Variants in ZNF566 observed in about 807,000 individuals in gnomAD.
ZNF566 encodes the protein zinc finger protein 566.
In ZNF566, 27 loss-of-function variants were observed where a neutral mutation model predicts 32.8. That is an observed-to-expected ratio of 0.82 (90% CI 0.61 to 1.14). The LOEUF (loss-of-function observed/expected upper bound fraction) is 1.14. Among genes scored for constraint, ZNF566 ranks in the 50% most tolerant of loss-of-function variants. ZNF566 has a pLI of 0.00. For missense variants in ZNF566, 402 were observed against 490.4 expected (o/e 0.82, Z 1.70); for synonymous variants, 154 against 159.5 (o/e 0.97, Z 0.26).
chr19:36,465,922 G>A (rs1209377227), intron 4 of ZNF566, among the ~76,000 whole-genome samples: 3 of 150,960 alleles, frequency 2.0e-5, no homozygotes, highest in Non-Finnish European at 4.4e-5. Flanking sequence ...TATATATAAA[G>A]GCAGTATAAA....
At chr19:36,464,458 A>G (rs1325308221) in intron 4 of ZNF566, among the ~76,000 whole-genome samples, 1 of 152,160 alleles carries the variant, frequency 6.6e-6, no homozygotes, top group Non-Finnish European at 1.5e-5. Context: ...CACCCAGCCA[A>G]TTCGTTTTCT....
intron 1 of ZNF566, among the ~76,000 whole-genome samples, chr19:36,487,949 G>T (rs762543334): frequency 2.8e-5 from 4 of 142,456 alleles, no homozygotes; most frequent in Non-Finnish European, 6.1e-5. Flanking sequence ...GTTAATGATA[G>T]AATTCTGAAT....
At chr19:36,470,973 C>A (rs1363256276) in intron 4 of ZNF566, among the ~76,000 whole-genome samples, 1 of 151,508 alleles carries the variant, frequency 6.6e-6, no homozygotes, top group East Asian at 1.9e-4. Flanking sequence ...CTTTGGGAGG[C>A]CAAGGCAGGT....
chr19:36,453,194 C>A (rs1174402692), intron 4 of ZNF566, among the ~76,000 whole-genome samples: 2 of 151,138 alleles, frequency 1.3e-5, no homozygotes, highest in East Asian at 3.9e-4. Context: ...AATAAACTGG[C>A]GGGGCGCTGG....
chr19:36,447,027 T>TC lies in ZNF566; in HGVS notation c.*1949_*1950insG, dbSNP rs1226679761. ...ACAAAGCTACACTGTGGACTTTTTTTTTTTTTTTTTAATAGTCTCATTCTG... is the reference window on the plus strand; with the variant it reads ...ACAAAGCTACACTGTGGACTTTTTTTCTTTTTTTTTTAATAGTCTCATTCTG... On this transcript the variant is annotated 3_prime_UTR_variant, in exon 5 of 5. Transcript: ENST00000452939. 6.6e-6 allele frequency: 1 copy of TC among 151,984 alleles called. No homozygotes were observed. The highest frequency in any genetic ancestry group is 2.4e-5 in the African/African-American group (1 of 41,360). The allele number at this position is 151,984 out of a possible 1,614,324, so 9.4% of individuals were successfully genotyped here.
intron 4 of ZNF566, among the ~76,000 whole-genome samples, chr19:36,455,085 C>T (rs987676432): frequency 6.6e-6 from 1 of 152,094 alleles, no homozygotes; most frequent in Non-Finnish European, 1.5e-5. Flanking sequence ...GCAAAGCAAT[C>T]AATGTGATAC....
Position 36,449,499 on chromosome 19 carries a change from A to G in ZNF566, c.735T>C (p.His245=). The G allele has an allele frequency of 6.2e-7, 1 of 1,614,116 alleles. No individual in the cohort carries two copies. Among genetic ancestry groups the G allele is most frequent in the Non-Finnish European group, 8.5e-7 (1 of 1,179,994 alleles). Residue 245 remains histidine (H), a synonymous_variant, in exon 5 of 5, where the codon CAT becomes CAC. Transcript: ENST00000452939. ...GTTTCTCACCAGTGTGAATTCTGTG[A>G]TGTCGAGTAAGGTCTGAGCCACAAA... ...TFICGSDLTR[H]HRIHTGEKPY...
chr19:36,464,721 C>A (rs1210681272), intron 4 of ZNF566, among the ~76,000 whole-genome samples: 1 of 151,846 alleles, frequency 6.6e-6, no homozygotes, highest in East Asian at 1.9e-4. Context: ...CTGCAGTGAG[C>A]CGTGATTGTT....
At position 36,476,635 on chromosome 19, in the gene ZNF566, G is replaced by C; in HGVS notation, c.-59-19C>G. On this transcript the variant is annotated intron_variant, in intron 1 of 4. Transcript: ENST00000452939. The stretch of plus-strand genomic sequence containing the variant: ...GGTAGAGCTGGGAGAGGCAAAAGAA[G>C]ATAGATAAGACCCCACTTTCCTCAC... 1 of 1,598,990 alleles carries C rather than the reference G, an allele frequency of 6.3e-7. No homozygotes were observed. The highest frequency in any genetic ancestry group is 8.5e-7 in the Non-Finnish European group (1 of 1,172,938).
Position 36,449,929 on chromosome 19 carries a change from C to G in ZNF566, c.305G>C (p.Trp102Ser). The G allele has an allele frequency of 6.2e-7, 1 of 1,613,886 alleles. No homozygotes were observed. The highest frequency in any genetic ancestry group is 8.5e-7 in the Non-Finnish European group (1 of 1,179,932). Reference sequence around the variant, plus strand: ...TCTTGTGAGTTTTTCCATTATTTCCCACTGGGTTGATTCTATTTCATAAAT... The same window carrying G: ...TCTTGTGAGTTTTTCCATTATTTCCGACTGGGTTGATTCTATTTCATAAAT... Reference protein sequence around the residue: ...KEIYEIESTQWEIMEKLTRRD... With the variant: ...KEIYEIESTQSEIMEKLTRRD... Residue 102 changes from tryptophan to serine, a missense_variant, in exon 5 of 5, where the codon TGG becomes TCG. Physicochemically the swap from Trp to Ser is radical, Grantham distance 177 (BLOSUM62 -3). This residue lies in a region of ZNF566 where 220 missense variants were observed against 241.9 expected (regional missense o/e 0.91). Coordinates refer to ENST00000452939, the MANE Select transcript of ZNF566 (RefSeq NM_001145344.1).
In ZNF566 at chr19:36,487,227, G is replaced by T. The variant is rs575021302; in HGVS notation, c.-60+2259C>A. On this transcript the variant is annotated intron_variant, in intron 1 of 4. Coordinates refer to ENST00000452939, the MANE Select transcript of ZNF566 (RefSeq NM_001145344.1). ...TTACGGAGAGGATATGAAGCAACTGGAACTCTCATACATTGCTGGATGGAG... is the reference window on the plus strand; with the variant it reads ...TTACGGAGAGGATATGAAGCAACTGTAACTCTCATACATTGCTGGATGGAG... 1.2e-4 allele frequency among the ~76,000 whole-genome samples: 18 copies of T among 152,202 alleles called. No individual in the cohort carries two copies. The East Asian group carries it at 3.3e-3, about 28-fold the overall frequency.
intron 4 of ZNF566, among the ~76,000 whole-genome samples, chr19:36,469,506 C>T (rs918753270): frequency 3.3e-5 from 5 of 151,870 alleles, no homozygotes; most frequent in Non-Finnish European, 7.3e-5. Context: ...CGCCTTTACA[C>T]TCCAGCCTGG....
At chr19:36,489,444 C>A in intron 1 of ZNF566, 42 bp downstream of exon 1, 1 of 301,668 alleles carries the variant, frequency 3.3e-6, no homozygotes, top group Non-Finnish European at 6.5e-6. Context: ...AGGCTTGGCC[C>A]CCGGCCCCGC....
In ZNF566 at chr19:36,449,559, T is replaced by G. The variant is rs752643947; in HGVS notation, c.675A>C (p.Lys225Asn). 2.5e-6 allele frequency: 4 copies of G among 1,613,988 alleles called. No homozygotes were observed. Among genetic ancestry groups the G allele is most frequent in the Non-Finnish European group, 3.4e-6 (4 of 1,180,026 alleles). The change falls in exon 5 of 5, where the codon AAA (lysine) becomes AAC (asparagine). Residue 225 changes from lysine (K) to asparagine (N), a missense_variant. Coordinates refer to ENST00000452939, the MANE Select transcript of ZNF566 (RefSeq NM_001145344.1). ...TTCCACATTCCTTACATTCAAAGGGTTTCTTGCCAGTATGAATTTTCTGAT... is the reference window on the plus strand; with the variant it reads ...TTCCACATTCCTTACATTCAAAGGGGTTCTTGCCAGTATGAATTTTCTGAT... ...THHQKIHTGK[K>N]PFECKECGKT... is the part of the protein sequence containing the mutation.
Position 36,449,272 on chromosome 19 carries a change from C to T in ZNF566, c.962G>A (p.Ser321Asn). ...YECKECGNAF[S>N]QSSQLIKHQR... ...ATGTTTAATAAGTTGTGAGCTCTGA[C>T]TAAAGGCATTGCCACATTCCTTACA... The change falls in exon 5 of 5, where the codon AGT (serine) becomes AAT (asparagine). Residue 321 changes from serine to asparagine, a missense_variant. Physicochemically the swap from Ser to Asn is conservative, Grantham distance 46. This residue lies in a region of ZNF566 where 135 missense variants were observed against 210.0 expected (regional missense o/e 0.64). Transcript: ENST00000452939. 1.2e-6 allele frequency: 2 copies of T among 1,614,114 alleles called. No homozygotes were observed. Among genetic ancestry groups the T allele is most frequent in the South Asian group, 1.1e-5 (1 of 91,070 alleles).
At chr19:36,486,768 G>T (rs1436288972) in intron 1 of ZNF566, among the ~76,000 whole-genome samples, 1 of 151,394 alleles carries the variant, frequency 6.6e-6, no homozygotes, top group Non-Finnish European at 1.5e-5. Flanking sequence ...TATACAAATG[G>T]CCAGTAAACA....
intron 1 of ZNF566, among the ~76,000 whole-genome samples, chr19:36,485,487 C>T (rs547724206): frequency 1.4e-4 from 20 of 147,072 alleles, no homozygotes; most frequent in African/African-American, 4.8e-4. Context: ...CGGTGCTGGG[C>T]GCGGTAGCTC....
intron 4 of ZNF566, among the ~76,000 whole-genome samples, chr19:36,451,340 G>A (rs1429922401): frequency 6.6e-6 from 1 of 152,188 alleles, no homozygotes; most frequent in African/African-American, 2.4e-5. Flanking sequence ...TTTGTGGACA[G>A]ATATGGTATA....
intron 4 of ZNF566, among the ~76,000 whole-genome samples, chr19:36,461,540 T>C (rs1284445777): frequency 6.6e-6 from 1 of 151,992 alleles, no homozygotes; most frequent in Non-Finnish European, 1.5e-5. Flanking sequence ...CTTAGTGGCG[T>C]GCACCTGTAG....
Sources: gnomAD v4.1 joint callset for allele counts (sites outside exome capture counted in the v4.1 genomes callset) on GRCh38, gnomAD v4.1.1 for gene constraint, gnomAD v4.1.1 regional missense constraint, MANE v1.5 for transcripts, NCBI Gene and HGNC (gene_info 2026-07-23, HGNC 2026-07-21) for gene names.